The following ZNF141 variants were observed in gnomAD, a reference collection of about 807,000 sequenced individuals.
ZNF141 encodes the protein zinc finger protein 141.
In ZNF141, 7 loss-of-function variants were observed where a neutral mutation model predicts 11.3. That is an observed-to-expected ratio of 0.62 (90% CI 0.35 to 1.16). ZNF141 has a LOEUF of 1.16. Ranked by LOEUF, ZNF141 falls within the 50% of genes most tolerant of loss-of-function variation. ZNF141 has a pLI of 0.02. For missense variants in ZNF141, 535 were observed against 554.0 expected (o/e 0.97, Z 0.34); for synonymous variants, 183 against 190.7 (o/e 0.96, Z 0.33).
Position 379,425 on chromosome 4 carries a change from A to G in ZNF141, c.*5563A>G, listed in dbSNP as rs1225739336. Among the ~76,000 whole-genome samples, 2 of 152,238 alleles carry G rather than the reference A, an allele frequency of 1.3e-5. No homozygotes were observed. The highest frequency in any genetic ancestry group is 3.9e-4 in the East Asian group (2 of 5,162). On this transcript the variant is annotated 3_prime_UTR_variant, in exon 4 of 4. Coordinates refer to ENST00000240499, the MANE Select transcript of ZNF141 (RefSeq NM_003441.4). The stretch of plus-strand genomic sequence containing the variant: ...GAGTCTCGCTCTGTCGCCAGGCTGG[A>G]GTACAGTGGTGCGATCTCAGCTCAC...
Position 383,318 on chromosome 4 carries a change from T to C in ZNF141, c.*9456T>C, listed in dbSNP as rs1194437454. The C allele has an allele frequency of 3.4e-6, 2 of 589,768 alleles. No homozygotes were observed. The highest frequency in any genetic ancestry group is 6.0e-6 in the Non-Finnish European group (2 of 334,174). 36.5% of individuals were successfully genotyped at this position (589,768 alleles called of 1,614,324 possible). On this transcript the variant is annotated 3_prime_UTR_variant, in exon 4 of 4. Transcript: ENST00000240499. ...TAACCAGCTCAATCCTGAGCTAGTA[T>C]GTTTCGGGATTGTTATGCAGTTATA...
chr4:338,047 T>A (rs1158959425), intron 1 of ZNF141, 61 bp downstream of exon 1: 3 of 1,608,398 alleles, frequency 1.9e-6, no homozygotes, highest in Admixed American at 3.3e-5. Context: ...TGGCGGGAAA[T>A]GGCGGCGGGA....
In ZNF141 at chr4:383,872, A is replaced by G. The variant is rs1374334623; in HGVS notation, c.*10010A>G. ...TAGGAACCTCAAAAGGAGTACTTAA[A>G]ACCCAGAAAACATTGTAACCGGGTC... On this transcript the variant is annotated 3_prime_UTR_variant, in exon 4 of 4. Coordinates refer to ENST00000240499, the MANE Select transcript of ZNF141 (RefSeq NM_003441.4). 2 of 152,272 alleles carry G rather than the reference A, an allele frequency of 1.3e-5. No homozygotes were observed. Among genetic ancestry groups the G allele is most frequent in the East Asian group, 3.8e-4 (2 of 5,200 alleles). 9.4% of individuals were successfully genotyped at this position (152,272 alleles called of 1,614,324 possible). A position where few individuals can be genotyped will look rare whatever the true frequency, so the allele number is the denominator to read the frequency against.
At position 374,335 on chromosome 4, in the gene ZNF141, A is replaced by G; in HGVS notation, c.*473A>G. 3.1e-6 allele frequency: 1 copy of G among 327,296 alleles called. No homozygotes were observed. Among genetic ancestry groups the G allele is most frequent in the South Asian group, 2.8e-5 (1 of 35,646 alleles). 20.3% of individuals were successfully genotyped at this position (327,296 alleles called of 1,614,324 possible). Reference sequence around the variant, plus strand: ...GCCTTTAAATGGTCCTCAACCCTTAATGAACGTAAGTGAATTCATGCTGGA... The same window carrying G: ...GCCTTTAAATGGTCCTCAACCCTTAGTGAACGTAAGTGAATTCATGCTGGA... On this transcript the variant is annotated 3_prime_UTR_variant, in exon 4 of 4. Transcript: ENST00000240499.
intron 2 of ZNF141, 60 bp downstream of exon 2, chr4:343,968 G>A: frequency 2.6e-6 from 4 of 1,556,398 alleles, no homozygotes; most frequent in African/African-American, 1.4e-5. Context: ...TTATTCCTTT[G>A]AAGAATTTCT....
At chr4:357,846 T>C (rs888089379) in intron 3 of ZNF141, among the ~76,000 whole-genome samples, 2 of 151,694 alleles carry the variant, frequency 1.3e-5, no homozygotes, top group South Asian at 2.1e-4. Flanking sequence ...GCTGGGACTA[T>C]AGGCGCGCGC....
rs1383418761 is a variant in ZNF141 at position 371,288 on chromosome 4, A to G, written c.227-1376A>G. On this transcript the variant is annotated intron_variant, in intron 3 of 3. Transcript: ENST00000240499. Reference sequence around the variant, plus strand: ...ATTCTGTCACCCAGGCTGGAGTGCAATGGTGCAATCTTGGCTCACTGCAAC... The same window carrying G: ...ATTCTGTCACCCAGGCTGGAGTGCAGTGGTGCAATCTTGGCTCACTGCAAC... 5.5e-5 allele frequency among the ~76,000 whole-genome samples: 8 copies of G among 145,104 alleles called. 1 individual carries two copies. The South Asian group carries it at 8.8e-4, about 16-fold the overall frequency.
intron 1 of ZNF141, among the ~76,000 whole-genome samples, chr4:341,765 G>A (rs1389510518): frequency 1.1e-4 from 16 of 152,204 alleles, no homozygotes; most frequent in African/African-American, 2.9e-4. Flanking sequence ...GGAGATCAGA[G>A]TTTAGGGTGG....
At chr4:343,062 A>G (rs1721129847) in intron 1 of ZNF141, 1 of 656,540 alleles carries the variant, frequency 1.5e-6, no homozygotes, top group Non-Finnish European at 2.6e-6. Flanking sequence ...CATGATTAAA[A>G]AAGTATTTAA....
At chr4:360,200 TG>T (rs1253147956) in intron 3 of ZNF141, among the ~76,000 whole-genome samples, 1 of 152,222 alleles carries the variant, frequency 6.6e-6, no homozygotes, top group African/African-American at 2.4e-5. Context: ...GCTGCATTTT[TG>T]TTACTGTAGA....
intron 3 of ZNF141, among the ~76,000 whole-genome samples, chr4:372,111 C>T (rs1553853653): frequency 1.3e-5 from 2 of 152,326 alleles, no homozygotes; most frequent in Admixed American, 6.5e-5. Flanking sequence ...AGTCTCTAAT[C>T]ACTTGTTCTA....
At chr4:340,554 G>C (rs1463349559) in intron 1 of ZNF141, among the ~76,000 whole-genome samples, 1 of 152,096 alleles carries the variant, frequency 6.6e-6, no homozygotes, top group Non-Finnish European at 1.5e-5. Flanking sequence ...GCCCACAAAT[G>C]TGCTTACCAG....
chr4:361,406 T>C (rs2108712395), intron 3 of ZNF141, among the ~76,000 whole-genome samples: 1 of 151,076 alleles, frequency 6.6e-6, no homozygotes, highest in African/African-American at 2.4e-5. Flanking sequence ...TTTTTTTAAG[T>C]TCTAGGGTAC....
In ZNF141 at chr4:372,934, G is replaced by C; in HGVS notation, c.497G>C (p.Arg166Thr). The C allele has an allele frequency of 6.2e-7, 1 of 1,614,080 alleles. No individual in the cohort carries two copies. The highest frequency in any genetic ancestry group is 2.2e-5 in the East Asian group (1 of 44,854). ...KFSNSNKRKTRHTGEKHFKEC... is the reference protein window; with the variant it reads ...KFSNSNKRKTTHTGEKHFKEC... Reference sequence around the variant, plus strand: ...TCAAATTCAAACAAACGTAAGACAAGACATACTGGAGAGAAACACTTTAAA... The same window carrying C: ...TCAAATTCAAACAAACGTAAGACAACACATACTGGAGAGAAACACTTTAAA... Residue 166 changes from arginine (R) to threonine (T), a missense_variant, in exon 4 of 4, where the codon AGA (arginine) becomes ACA (threonine). Transcript: ENST00000240499.
intron 3 of ZNF141, among the ~76,000 whole-genome samples, chr4:355,079 A>C (rs1468718082): frequency 6.6e-6 from 1 of 152,030 alleles, no homozygotes; most frequent in Non-Finnish European, 1.5e-5. Context: ...GTGTGCTCCA[A>C]TATTGGATAC....
Position 380,006 on chromosome 4 carries a change from C to A in ZNF141, c.*6144C>A, listed in dbSNP as rs1553855268. On this transcript the variant is annotated 3_prime_UTR_variant, in exon 4 of 4. Transcript: ENST00000240499. ...TACAATAGATTTCTTGAATTTATTC[C>A]TCCTAGGCAACTATGTGTTGTTTTA... is the stretch of plus-strand genomic sequence containing the variant. Among the ~76,000 whole-genome samples the A allele has an allele frequency of 6.6e-6, 1 of 152,114 alleles. No homozygotes were observed. Among genetic ancestry groups the A allele is most frequent in the African/African-American group, 2.4e-5 (1 of 41,422 alleles).
rs570639890 is a variant in ZNF141, at chr4:378,835, ATTTTTTTTTTTTTT to A, written c.*4987_*5000del. Among the ~76,000 whole-genome samples, 2 of 78,606 alleles carry A rather than the reference ATTTTTTTTTTTTTT, an allele frequency of 2.5e-5. No individual in the cohort carries two copies. The highest frequency in any genetic ancestry group is 6.0e-5 in the African/African-American group (1 of 16,530). The allele number at this position is 78,606 out of a possible 152,430, so 51.6% of individuals were successfully genotyped here. ...GTTGAATCCAAACAGTTTCTCAGTG[ATTTTTTTTTTTTTT>A]TTTTTTTTTTTTTGAGATGGAGTCT... On this transcript the variant is annotated 3_prime_UTR_variant, in exon 4 of 4. Transcript: ENST00000240499.
In ZNF141 at chr4:384,788, C is replaced by G. The variant is rs1324266433; in HGVS notation, c.*10926C>G. 1 of 152,258 alleles carries G rather than the reference C, an allele frequency of 6.6e-6. No individual in the cohort carries two copies. The highest frequency in any genetic ancestry group is 1.5e-5 in the Non-Finnish European group (1 of 68,080). The allele number at this position is 152,258 out of a possible 1,614,324, so 9.4% of individuals were successfully genotyped here. A position where few individuals can be genotyped will look rare whatever the true frequency, so the allele number is the denominator to read the frequency against. The stretch of plus-strand genomic sequence containing the variant: ...ACATAAAAGACCCAGAACTCAGCCC[C>G]ATTTCTGGCAACCTGCTTTCATGTC... On this transcript the variant is annotated 3_prime_UTR_variant, in exon 4 of 4. Coordinates refer to ENST00000240499, the MANE Select transcript of ZNF141 (RefSeq NM_003441.4).
chr4:342,890 C>T (rs1340933693), intron 1 of ZNF141: 12 of 1,604,530 alleles, frequency 7.5e-6, no homozygotes, highest in African/African-American at 1.3e-5. Context: ...AACAGACTGC[C>T]GAAGTCCAAA....
Sources: gnomAD v4.1 joint callset for allele counts (sites outside exome capture counted in the v4.1 genomes callset) on GRCh38, gnomAD v4.1.1 for gene constraint, MANE v1.5 for transcripts, NCBI Gene and HGNC (gene_info 2026-07-23, HGNC 2026-07-21) for gene names.